KALRN: variants seen among roughly 807,000 people sequenced by gnomAD.
KALRN encodes kalirin.
Under a neutral mutation model 353.7 loss-of-function variants are expected in KALRN, and 70 were observed. That is an observed-to-expected ratio of 0.20 (90% CI 0.16 to 0.24). The LOEUF (loss-of-function observed/expected upper bound fraction) is 0.24. Among genes scored for constraint, KALRN ranks in the 10% least tolerant of loss-of-function variants. The probability of loss-of-function intolerance (pLI) is 1.00; values close to 1 mark genes in which losing one functional copy is unlikely to be tolerated. For missense variants in KALRN, 2,791 were observed against 3,756.7 expected (o/e 0.74, Z 6.72); for synonymous variants, 1,391 against 1,434.8 (o/e 0.97, Z 0.69).
chr3:124,581,578 G>C (rs4678135), intron 34 of KALRN, among the ~76,000 whole-genome samples: 37,877 of 152,012 alleles, frequency 0.25, 4,880 homozygotes, highest in East Asian at 0.33. Flanking sequence ...TGACAAAAAA[G>C]TGATCCAGTG....
intron 27 of KALRN, 86 bp downstream of exon 27, chr3:124,477,420 T>A: frequency 9.6e-7 from 1 of 1,038,302 alleles, no homozygotes; most frequent in Non-Finnish European, 1.5e-6. Context: ...TATTTAGCTA[T>A]CCTTTTTTCC....
intron 59 of KALRN, among the ~76,000 whole-genome samples, chr3:124,717,664 G>C (rs1049088845): frequency 2.0e-5 from 3 of 151,620 alleles, no homozygotes; most frequent in Admixed American, 6.6e-5. Context: ...CCACTGCACT[G>C]TAGCCTGGGC....
Position 124,671,670 on chromosome 3 carries a change from G to C in KALRN, c.6714G>C (p.Ser2238=). Residue 2238 remains serine, a synonymous_variant, in exon 48 of 60, where the codon TCG becomes TCC. Transcript: ENST00000682506. ...TQRDFLNALQ[S]PIEYQRKERS... ...GCTCTTATCCCACAGCACTGCAATCGCCCATTGAGTATCAACGGAAAGAAA... is the reference window on the plus strand; with the variant it reads ...GCTCTTATCCCACAGCACTGCAATCCCCCATTGAGTATCAACGGAAAGAAA... 6.2e-7 allele frequency: 1 copy of C among 1,611,124 alleles called. No homozygotes were observed. Among genetic ancestry groups the C allele is most frequent in the East Asian group, 2.2e-5 (1 of 44,874 alleles).
Position 124,269,012 on chromosome 3 carries a change from C to A in KALRN, c.726C>A (p.Ala242=), listed in dbSNP as rs372720406. The A allele has an allele frequency of 1.2e-6, 2 of 1,613,826 alleles. No individual in the cohort carries two copies. Among genetic ancestry groups the A allele is most frequent in the Admixed American group, 3.3e-5 (2 of 60,012 alleles). ...HTQLKKKVLK[A]PVEELDREGQ... ...AGCTCAAGAAAAAGGTGCTGAAGGC[C>A]CCTGTGGAGGAGCTGGACCGGGAGG... Residue 242 remains alanine, a synonymous_variant, in exon 5 of 60, where the codon GCC becomes GCA. Transcript: ENST00000682506.
At chr3:124,183,099 C>T (rs111494001) in intron 1 of KALRN, among the ~76,000 whole-genome samples, 76 of 151,926 alleles carry the variant, frequency 5.0e-4, no homozygotes, top group Non-Finnish European at 7.2e-4. Context: ...AAAATGATGC[C>T]GTTAGAGTGG....
intron 1 of KALRN, among the ~76,000 whole-genome samples, chr3:124,208,716 G>A (rs1249603484): frequency 6.6e-6 from 1 of 152,140 alleles, no homozygotes; most frequent in Non-Finnish European, 1.5e-5. Context: ...TGTAATCTAA[G>A]CACTTTGGGA....
chr3:124,436,241 G>A (rs963778677), intron 17 of KALRN, among the ~76,000 whole-genome samples: 2 of 152,192 alleles, frequency 1.3e-5, no homozygotes, highest in African/African-American at 4.8e-5. Context: ...TGGAGTAAGA[G>A]TCAAGAAATT....
chr3:124,254,706 A>T (rs1038278128), intron 3 of KALRN, among the ~76,000 whole-genome samples: 2 of 152,166 alleles, frequency 1.3e-5, no homozygotes, highest in Non-Finnish European at 2.9e-5. Context: ...ATTTTTACCA[A>T]AAAAAGTTGC....
intron 51 of KALRN, among the ~76,000 whole-genome samples, chr3:124,687,698 A>G (rs1326799570): frequency 6.6e-6 from 1 of 150,386 alleles, no homozygotes; most frequent in Non-Finnish European, 1.5e-5. Flanking sequence ...CATGTGTGCT[A>G]CTTACAAAGC....
chr3:124,610,840 G>A (rs556565747), intron 34 of KALRN, among the ~76,000 whole-genome samples: 6 of 102,680 alleles, frequency 5.8e-5, no homozygotes, highest in South Asian at 2.6e-4. Flanking sequence ...GTAGGACCCC[G>A]TCCCTACAAA....
At chr3:124,052,811 A>G (rs2041165888) in intron 1 of KALRN, among the ~76,000 whole-genome samples, 1 of 152,108 alleles carries the variant, frequency 6.6e-6, no homozygotes, top group Non-Finnish European at 1.5e-5. Flanking sequence ...GTTGGTGGAT[A>G]TGGTGGTTGT....
intron 12 of KALRN, among the ~76,000 whole-genome samples, chr3:124,396,284 A>G (rs2090148380): frequency 6.6e-6 from 1 of 152,176 alleles, no homozygotes; most frequent in Non-Finnish European, 1.5e-5. Flanking sequence ...CAGTTGTCCA[A>G]TTAAATAAAC....
intron 4 of KALRN, among the ~76,000 whole-genome samples, chr3:124,265,311 T>TTTTTTTTTTTTC (rs1485230977): frequency 7.2e-6 from 1 of 139,690 alleles, no homozygotes; most frequent in African/African-American, 2.7e-5. Context: ...TTTTTTTTTT[T>TTTTTTTTTTTTC]TGAGATAGAG....
rs528166384 is a variant in KALRN at position 124,192,716 on chromosome 3, G to A, written c.74-35274G>A. On this transcript the variant is annotated intron_variant, in intron 1 of 59. Coordinates refer to ENST00000682506, the MANE Select transcript of KALRN (RefSeq NM_001388419.1). ...ATTGTACCTACAAAGAGATACCATG[G>A]ATGTGTGTGCACAGAGGAGAGGCTG... is the stretch of plus-strand genomic sequence containing the variant. Among the ~76,000 whole-genome samples the A allele has an allele frequency of 2.0e-5, 3 of 152,278 alleles. No homozygotes were observed. The South Asian group carries it at 6.2e-4, about 32-fold the overall frequency.
intron 1 of KALRN, among the ~76,000 whole-genome samples, chr3:124,063,629 C>T (rs138347475): frequency 2.6e-5 from 4 of 152,196 alleles, no homozygotes; most frequent in African/African-American, 9.7e-5. Context: ...ATTTTGGAAG[C>T]AAGAAAGCCC....
chr3:124,342,150 C>CTTTATTTATTTATTTATTTATTTA (rs6148051), intron 9 of KALRN, among the ~76,000 whole-genome samples: 106 of 150,732 alleles, frequency 7.0e-4, no homozygotes, highest in East Asian at 6.0e-3. Context: ...GAGGGTATGC[C>CTTTATTTATTTATTTATTTATTTA]TTTATTTATT....
At chr3:124,158,980 G>A (rs767624946) in intron 1 of KALRN, among the ~76,000 whole-genome samples, 8 of 151,896 alleles carry the variant, frequency 5.3e-5, no homozygotes, top group Non-Finnish European at 8.8e-5. Flanking sequence ...CCTGGACTCA[G>A]GGCCCTATAG....
intron 9 of KALRN, among the ~76,000 whole-genome samples, chr3:124,342,994 A>G (rs900979948): frequency 6.6e-6 from 1 of 152,168 alleles, no homozygotes; most frequent in Non-Finnish European, 1.5e-5. Flanking sequence ...TCTCCCCCAT[A>G]GCCAATTACC....
intron 34 of KALRN, among the ~76,000 whole-genome samples, chr3:124,580,064 G>A (rs182939290): frequency 7.9e-5 from 12 of 152,268 alleles, no homozygotes; most frequent in Middle Eastern, 3.4e-3. Flanking sequence ...TCCGAATCTC[G>A]AGTAGGTCTC....
Sources: gnomAD v4.1 joint callset for allele counts (sites outside exome capture counted in the v4.1 genomes callset) on GRCh38, gnomAD v4.1.1 for gene constraint, MANE v1.5 for transcripts, NCBI Gene and HGNC (gene_info 2026-07-23, HGNC 2026-07-21) for gene names.